Variants in CNOT4 observed in about 807,000 individuals in gnomAD.
CNOT4 encodes CCR4-NOT transcription complex subunit 4.
Under a neutral mutation model 73.8 loss-of-function variants are expected in CNOT4, and 8 were observed. The ratio of observed to expected loss-of-function variants is 0.11; its 90% CI spans 0.06 to 0.20. The LOEUF is 0.20. Ranked by LOEUF, CNOT4 falls within the 10% of genes least tolerant of loss-of-function variation. The pLI is 1.00. For synonymous variants in CNOT4, 293 were observed against 321.1 expected (o/e 0.91, Z 0.94); for missense variants, 564 against 883.4 (o/e 0.64, Z 4.58).
At chr7:135,470,140 G>C (rs927417027) in intron 1 of CNOT4, among the ~76,000 whole-genome samples, 3 of 150,350 alleles carry the variant, frequency 2.0e-5, no homozygotes, top group African/African-American at 4.9e-5. Flanking sequence ...TTTTTTTGGG[G>C]GGGGAGGCCA....
At chr7:135,374,578 A>G (rs951014112) in intron 10 of CNOT4, among the ~76,000 whole-genome samples, 3 of 152,238 alleles carry the variant, frequency 2.0e-5, no homozygotes, top group African/African-American at 7.2e-5. Flanking sequence ...TAAATATGCA[A>G]ACGGAAAGCC....
intron 1 of CNOT4, among the ~76,000 whole-genome samples, chr7:135,474,270 G>A (rs1801842253): frequency 7.3e-6 from 1 of 137,720 alleles, no homozygotes; most frequent in African/African-American, 2.8e-5. Context: ...GAGCCACTGT[G>A]CCCAAATTTT....
intron 10 of CNOT4, among the ~76,000 whole-genome samples, chr7:135,380,124 GAAAAA>G (rs1225911560): frequency 2.1e-5 from 3 of 143,154 alleles, no homozygotes; most frequent in Admixed American, 2.1e-4. Context: ...CTTGATTGGG[GAAAAA>G]AAAAAAAACA....
rs527417459 is a variant in CNOT4, at chr7:135,498,419, C to T, written c.-93+11470G>A. On this transcript the variant is annotated intron_variant, in intron 1 of 11. Transcript: ENST00000541284. The stretch of plus-strand genomic sequence containing the variant: ...AGCTGAAAATACTTGCTAGGCATGA[C>T]AAAGAATATATGGTGACACAGGTCT... 3.2e-4 allele frequency among the ~76,000 whole-genome samples: 48 copies of T among 152,276 alleles called. 1 individual carries two copies. The highest frequency in any genetic ancestry group is 1.2e-3 in the African/African-American group (48 of 41,564).
At chr7:135,474,276 ATTTTTTTT>A (rs869203152) in intron 1 of CNOT4, among the ~76,000 whole-genome samples, 4 of 87,974 alleles carry the variant, frequency 4.5e-5, no homozygotes, top group Non-Finnish European at 6.5e-5. Context: ...CTGTGCCCAA[ATTTTTTTT>A]TTTTTTTTTT....
chr7:135,415,641 A>G (rs1797830719), intron 3 of CNOT4, among the ~76,000 whole-genome samples: 1 of 152,192 alleles, frequency 6.6e-6, no homozygotes, highest in Non-Finnish European at 1.5e-5. Context: ...CAATTCTTCA[A>G]AAACAATGAC....
chr7:135,401,060 G>C (rs1468471465), intron 7 of CNOT4, among the ~76,000 whole-genome samples: 1 of 152,106 alleles, frequency 6.6e-6, no homozygotes, highest in Non-Finnish European at 1.5e-5. Flanking sequence ...CCAATAGAAA[G>C]AAAAACTATA....
At chr7:135,477,759 T>G (rs1185727167) in intron 1 of CNOT4, among the ~76,000 whole-genome samples, 1 of 152,200 alleles carries the variant, frequency 6.6e-6, no homozygotes, top group African/African-American at 2.4e-5. Flanking sequence ...TATAATCCTG[T>G]ATATTAGTAT....
intron 1 of CNOT4, among the ~76,000 whole-genome samples, chr7:135,473,490 G>A (rs921741937): frequency 6.6e-6 from 1 of 152,194 alleles, no homozygotes; most frequent in African/African-American, 2.4e-5. Context: ...GCTCACACCT[G>A]TAACCCCAAC....
At position 135,447,932 on chromosome 7, in the gene CNOT4, A is replaced by G. The variant is rs192627226; in HGVS notation, c.-92-9509T>C. Among the ~76,000 whole-genome samples, 545 of 152,304 alleles carry G rather than the reference A, an allele frequency of 3.6e-3. 6 individuals carry two copies. Among genetic ancestry groups the G allele is most frequent in the Non-Finnish European group, 5.1e-3 (345 of 68,024 alleles). ...AAGACAATAGAGTAGTCAGCCAGAA[A>G]TCAGTGGAGATAAAAAGCTGGGTGT... On this transcript the variant is annotated intron_variant, in intron 1 of 11. Coordinates refer to ENST00000541284, the MANE Select transcript of CNOT4 (RefSeq NM_001190850.2).
chr7:135,506,230 T>TA (rs1194906103), intron 1 of CNOT4, among the ~76,000 whole-genome samples: 1 of 152,220 alleles, frequency 6.6e-6, no homozygotes, highest in Non-Finnish European at 1.5e-5. Context: ...TCCAGTGGGA[T>TA]AAAAACCATT....
chr7:135,495,825 T>C (rs1803536133), intron 1 of CNOT4, among the ~76,000 whole-genome samples: 1 of 151,616 alleles, frequency 6.6e-6, no homozygotes, highest in Admixed American at 6.6e-5. Context: ...CCCAGTGCTT[T>C]TGGGAGGCCA....
chr7:135,396,090 A>T (rs1796666311), intron 8 of CNOT4, among the ~76,000 whole-genome samples: 1 of 149,808 alleles, frequency 6.7e-6, no homozygotes. Context: ...CTGCTTGAAA[A>T]GATTAAACTA....
intron 10 of CNOT4, among the ~76,000 whole-genome samples, chr7:135,391,487 A>C (rs1433956970): frequency 6.6e-6 from 1 of 152,016 alleles, no homozygotes; most frequent in Non-Finnish European, 1.5e-5. Flanking sequence ...ACCAAATAGT[A>C]CAACGATTCA....
chr7:135,424,618 C>T (rs964373787), intron 2 of CNOT4, among the ~76,000 whole-genome samples: 1 of 152,038 alleles, frequency 6.6e-6, no homozygotes, highest in Non-Finnish European at 1.5e-5. Flanking sequence ...AACCATGTCT[C>T]TACCAAAAAT....
intron 8 of CNOT4, among the ~76,000 whole-genome samples, 169 bp from the exon 9 acceptor site, chr7:135,396,052 C>T (rs1796663647): frequency 6.8e-6 from 1 of 148,092 alleles, no homozygotes; most frequent in Admixed American, 6.7e-5. Context: ...CATTAACTTA[C>T]ATATATACTC....
intron 1 of CNOT4, among the ~76,000 whole-genome samples, chr7:135,458,651 G>A (rs1800693379): frequency 6.6e-6 from 1 of 151,986 alleles, no homozygotes. Context: ...AATATTCACA[G>A]CATCTTCAGG....
intron 2 of CNOT4, among the ~76,000 whole-genome samples, chr7:135,426,750 C>T (rs1244785264): frequency 6.6e-6 from 1 of 151,820 alleles, no homozygotes; most frequent in Non-Finnish European, 1.5e-5. Flanking sequence ...TGGTGAAACC[C>T]TGTTTCTACT....
At chr7:135,490,932 T>G (rs1188553031) in intron 1 of CNOT4, among the ~76,000 whole-genome samples, 1 of 152,226 alleles carries the variant, frequency 6.6e-6, no homozygotes, top group East Asian at 1.9e-4. Context: ...TGAAAACTGG[T>G]TGAATTCTGG....
Sources: allele counts gnomAD v4.1 joint callset (sites outside exome capture counted in the v4.1 genomes callset), GRCh38; gene constraint gnomAD v4.1.1; transcripts MANE v1.5; gene names NCBI Gene and HGNC (gene_info 2026-07-23, HGNC 2026-07-21).